PCDHA9: variants seen among roughly 807,000 people sequenced by gnomAD.
The protein encoded by PCDHA9 is protocadherin alpha-9.
PCDHA9 carries 62 observed loss-of-function variants against 62.0 expected under a neutral mutation model. The ratio of observed to expected loss-of-function variants is 1.00; its 90% CI spans 0.81 to 1.23. PCDHA9 has a LOEUF of 1.23. Among genes scored for constraint, PCDHA9 ranks in the 50% most tolerant of loss-of-function variants. PCDHA9 has a pLI of 0.00. For synonymous variants in PCDHA9, 557 were observed against 567.6 expected, an observed-to-expected ratio of 0.98 and a Z score of 0.27; for missense variants, 1,205 against 1,249.8, an observed-to-expected ratio of 0.96 and a Z score of 0.54.
At chr5:140,976,992 A>G (rs1421149242) in intron 1 of PCDHA9, among the ~76,000 whole-genome samples, 3 of 152,200 alleles carry the variant, frequency 2.0e-5, no homozygotes, top group Admixed American at 2.0e-4. Context: ...TTACTGCCAT[A>G]AGAAATCTTG....
intron 1 of PCDHA9, among the ~76,000 whole-genome samples, chr5:140,944,592 C>T (rs1225606041): frequency 2.6e-5 from 4 of 152,086 alleles, no homozygotes; most frequent in Non-Finnish European, 4.4e-5. Flanking sequence ...CAGAATTTCC[C>T]TGGGTAGAGT....
chr5:140,928,166 T>G, intron 1 of PCDHA9: 1 of 1,614,142 alleles, frequency 6.2e-7, no homozygotes, highest in South Asian at 1.1e-5. Context: ...TCACCCCCAC[T>G]TAGCACCCGA....
Position 140,849,786 on chromosome 5 carries a change from G to T in PCDHA9, c.1291G>T (p.Gly431Cys), listed in dbSNP as rs2150450039. 3 of 1,598,374 alleles carry T rather than the reference G, an allele frequency of 1.9e-6. No individual in the cohort carries two copies. The African/African-American group carries it at 4.0e-5, about 21-fold the overall frequency. The change falls in exon 1 of 4, where the codon GGC (glycine) becomes TGC (cysteine). Residue 431 changes from glycine (G) to cysteine (C), a missense_variant. Gly to Cys is a radical substitution (Grantham distance 159). Coordinates refer to ENST00000532602, the MANE Select transcript of PCDHA9 (RefSeq NM_031857.2). ...GCTGGTGGTTACCGCGCGGGACGGG[G>T]GCTCGCCTTCACTGTGGGCCACGGC... ...YELVVTARDG[G>C]SPSLWATARV...
At chr5:140,927,754 C>T (rs1554205003) in intron 1 of PCDHA9, 1 of 1,614,030 alleles carries the variant, frequency 6.2e-7, no homozygotes, top group African/African-American at 1.3e-5. Flanking sequence ...TCACGTGCAC[C>T]CTAAAAGTGG....
intron 1 of PCDHA9, chr5:140,865,831 C>T (rs1554159632): frequency 6.6e-6 from 1 of 152,124 alleles, no homozygotes. Context: ...GTAGAGCTTT[C>T]TTTAGTAAGT....
At chr5:140,931,008 A>G (rs1554208204) in intron 1 of PCDHA9, among the ~76,000 whole-genome samples, 2 of 152,224 alleles carry the variant, frequency 1.3e-5, no homozygotes, top group African/African-American at 2.4e-5. Flanking sequence ...ATAACATAAC[A>G]GAGGAATTTT....
chr5:140,851,332 C>T (rs2042029710), intron 1 of PCDHA9: 1 of 971,624 alleles, frequency 1.0e-6, no homozygotes, highest in Non-Finnish European at 1.3e-6. Context: ...GTTTGTAGTT[C>T]TCTACATTTC....
At chr5:140,857,569 G>T (rs1554150250) in intron 1 of PCDHA9, 3 of 1,596,900 alleles carry the variant, frequency 1.9e-6, no homozygotes, top group South Asian at 1.1e-5. Context: ...CGAGCTACGT[G>T]TCGGTGCACG....
chr5:140,985,498 C>G (rs540282855), intron 3 of PCDHA9, among the ~76,000 whole-genome samples: 2 of 152,274 alleles, frequency 1.3e-5, no homozygotes, highest in African/African-American at 4.8e-5. Flanking sequence ...ATAGAGCCTG[C>G]CTTTCATTGA....
chr5:140,849,612 A>C lies in PCDHA9; in HGVS notation c.1117A>C (p.Ser373Arg), dbSNP rs2040992184. Residue 373 changes from serine to arginine, a missense_variant, in exon 1 of 4, where the codon AGT (serine) becomes CGT (arginine). By Grantham distance (110) the Ser-to-Arg change is moderately radical (BLOSUM62 -1). Around this residue, in one of 3 missense-constraint regions of PCDHA9, gnomAD observed 887 missense variants for 809.5 expected, o/e 1.10. Transcript: ENST00000532602. ...ACTGGGGACAGTTATTGCCCTGATT[A>C]GTGTGATCGACCTAGACGCAGATGC... ...AQLGTVIALI[S>R]VIDLDADANG... 5 of 1,598,736 alleles carry C rather than the reference A, an allele frequency of 3.1e-6. 2 individuals are homozygous for C. The highest frequency in any genetic ancestry group is 4.3e-6 in the Non-Finnish European group (5 of 1,167,986).
At chr5:140,862,293 C>A in intron 1 of PCDHA9, 1 of 268,596 alleles carries the variant, frequency 3.7e-6, no homozygotes, top group Non-Finnish European at 7.3e-6. Flanking sequence ...CAGGAGGACG[C>A]TCCACTGGGT....
At chr5:140,874,887 T>G (rs1315281628) in intron 1 of PCDHA9, among the ~76,000 whole-genome samples, 2 of 152,350 alleles carry the variant, frequency 1.3e-5, no homozygotes, top group East Asian at 3.9e-4. Context: ...AATTCCTAAC[T>G]TTCTCTAAAA....
intron 1 of PCDHA9, among the ~76,000 whole-genome samples, chr5:140,975,632 A>G (rs1554236932): frequency 1.3e-5 from 2 of 152,216 alleles, no homozygotes; most frequent in African/African-American, 4.8e-5. Context: ...CATGGTACGA[A>G]GATAGCATAT....
intron 3 of PCDHA9, among the ~76,000 whole-genome samples, chr5:140,993,099 C>T (rs1253807421): frequency 6.6e-6 from 1 of 152,206 alleles, no homozygotes; most frequent in Non-Finnish European, 1.5e-5. Context: ...TATGTTTATT[C>T]AGCGGTCAGT....
intron 1 of PCDHA9, chr5:140,967,312 A>G (rs1554229425): frequency 5.0e-6 from 8 of 1,611,226 alleles, no homozygotes; most frequent in Admixed American, 1.7e-5. Context: ...CCAACTCAGT[A>G]CAGACCTACG....
rs1238131938 is a variant in PCDHA9, at chr5:141,010,564, G to A, written c.*627G>A. Reference sequence around the variant, plus strand: ...GAGACAAAACTACCCCCACTGACAAGGCTTTAGGAGACCCTAAAGTCTGTT... The same window carrying A: ...GAGACAAAACTACCCCCACTGACAAAGCTTTAGGAGACCCTAAAGTCTGTT... On this transcript the variant is annotated 3_prime_UTR_variant, in exon 4 of 4. Coordinates refer to ENST00000532602, the MANE Select transcript of PCDHA9 (RefSeq NM_031857.2). 1 of 289,402 alleles carries A rather than the reference G, an allele frequency of 3.5e-6. No homozygotes were observed. Among genetic ancestry groups the A allele is most frequent in the Non-Finnish European group, 6.5e-6 (1 of 154,048 alleles). 17.9% of individuals were successfully genotyped at this position (289,402 alleles called of 1,614,324 possible).
chr5:140,862,614 C>G, intron 1 of PCDHA9: 1 of 523,252 alleles, frequency 1.9e-6, no homozygotes, highest in Non-Finnish European at 3.9e-6. Flanking sequence ...TGAAAGGTAA[C>G]AACCCGCGGG....
intron 1 of PCDHA9, among the ~76,000 whole-genome samples, chr5:140,933,949 G>A (rs184768008): frequency 6.6e-6 from 1 of 151,792 alleles, no homozygotes; most frequent in African/African-American, 2.4e-5. Flanking sequence ...CACATCTGCA[G>A]GATCTGTAGT....
intron 1 of PCDHA9, chr5:140,868,387 A>G: frequency 1.3e-5 from 2 of 152,312 alleles, no homozygotes; most frequent in South Asian, 4.1e-4. Context: ...AATGAGAACT[A>G]TAGAAAATAG....
Sources: gnomAD v4.1 joint callset for allele counts (sites outside exome capture counted in the v4.1 genomes callset) on GRCh38, gnomAD v4.1.1 for gene constraint, gnomAD v4.1.1 regional missense constraint, MANE v1.5 for transcripts, NCBI Gene and HGNC (gene_info 2026-07-23, HGNC 2026-07-21) for gene names.